The following LRRC7 variants were observed in gnomAD, a reference collection of about 807,000 sequenced individuals.
LRRC7 encodes the protein leucine-rich repeat-containing protein 7.
Under a neutral mutation model 175.7 loss-of-function variants are expected in LRRC7, and 23 were observed. The ratio of observed to expected loss-of-function variants is 0.13; its 90% CI spans 0.09 to 0.19. LRRC7 has a LOEUF of 0.19. LRRC7 is among the 10% of genes least tolerant of loss of function. LRRC7 has a pLI of 1.00. For missense variants in LRRC7, 1,354 were observed against 1,904.7 expected (o/e 0.71, Z 5.38); for synonymous variants, 685 against 680.9 (o/e 1.01, Z -0.09).
chr1:69,961,613 C>T, intron 8 of LRRC7, among the ~76,000 whole-genome samples: 1 of 152,142 alleles, frequency 6.6e-6, no homozygotes, highest in East Asian at 1.9e-4. Flanking sequence ...ACCAAAACAG[C>T]ATGGTACTAG....
intron 25 of LRRC7, among the ~76,000 whole-genome samples, chr1:70,103,385 A>G (rs1156261009): frequency 6.6e-6 from 1 of 152,194 alleles, no homozygotes; most frequent in Non-Finnish European, 1.5e-5. Context: ...ATGGGCCTTA[A>G]AAATGGAGAA....
intron 8 of LRRC7, among the ~76,000 whole-genome samples, chr1:69,969,342 A>C (rs1355965593): frequency 6.6e-6 from 1 of 152,210 alleles, no homozygotes; most frequent in Non-Finnish European, 1.5e-5. Flanking sequence ...TAATTGTAGA[A>C]TGGATAAGAA....
chr1:69,895,002 G>A (rs187771543), intron 7 of LRRC7, among the ~76,000 whole-genome samples: 14 of 152,188 alleles, frequency 9.2e-5, no homozygotes, highest in Admixed American at 3.3e-4. Flanking sequence ...CAAGGCAGGC[G>A]GATCACCCGA....
intron 1 of LRRC7, among the ~76,000 whole-genome samples, chr1:69,666,458 G>T (rs1236451908): frequency 6.6e-6 from 1 of 151,970 alleles, no homozygotes; most frequent in African/African-American, 2.4e-5. Context: ...GCTTTTCTTT[G>T]CTGGGAGACT....
chr1:69,966,120 G>A (rs988598705), intron 8 of LRRC7, among the ~76,000 whole-genome samples: 12 of 152,074 alleles, frequency 7.9e-5, no homozygotes, highest in Non-Finnish European at 1.3e-4. Context: ...AGAAAAAAAT[G>A]TAATAACTGG....
intron 5 of LRRC7, among the ~76,000 whole-genome samples, chr1:69,826,521 A>G (rs1338758316): frequency 3.3e-5 from 5 of 152,164 alleles, no homozygotes; most frequent in African/African-American, 1.2e-4. Context: ...TGGAGGAGTC[A>G]TGAACCTGAA....
intron 25 of LRRC7, among the ~76,000 whole-genome samples, chr1:70,098,067 C>T (rs1664540148): frequency 6.6e-6 from 1 of 151,890 alleles, no homozygotes; most frequent in Admixed American, 6.6e-5. Context: ...AACTAGTTTA[C>T]AGTCCCACCA....
intron 1 of LRRC7, among the ~76,000 whole-genome samples, chr1:69,582,055 C>G (rs1646222815): frequency 6.6e-6 from 1 of 152,108 alleles, no homozygotes; most frequent in Non-Finnish European, 1.5e-5. Context: ...GTATCTTTTC[C>G]TGGAGCTCTT....
chr1:70,113,977 T>C (rs1239075639), intron 26 of LRRC7, among the ~76,000 whole-genome samples: 1 of 152,170 alleles, frequency 6.6e-6, no homozygotes, highest in African/African-American at 2.4e-5. Context: ...TAAGAGAGTG[T>C]TGATGTTCAC....
intron 25 of LRRC7, among the ~76,000 whole-genome samples, chr1:70,097,023 A>G (rs1334642793): frequency 6.6e-6 from 1 of 152,214 alleles, no homozygotes; most frequent in Non-Finnish European, 1.5e-5. Flanking sequence ...GATGTGTACA[A>G]CTACAGTGTC....
chr1:69,721,635 G>T (rs1423811357), intron 2 of LRRC7, among the ~76,000 whole-genome samples: 1 of 151,316 alleles, frequency 6.6e-6, no homozygotes, highest in Non-Finnish European at 1.5e-5. Context: ...GGCCACATTC[G>T]ATTTTATATC....
At chr1:70,041,132 A>G (rs1018040376) in intron 21 of LRRC7, among the ~76,000 whole-genome samples, 2 of 152,158 alleles carry the variant, frequency 1.3e-5, no homozygotes, top group African/African-American at 4.8e-5. Flanking sequence ...CTGGGTAATA[A>G]TATACTATCG....
At chr1:69,766,902 A>C (rs1671685190) in intron 3 of LRRC7, among the ~76,000 whole-genome samples, 1 of 152,182 alleles carries the variant, frequency 6.6e-6, no homozygotes, top group South Asian at 2.1e-4. Context: ...GTCGAGATGC[A>C]ATTTACATTC....
At chr1:69,718,778 G>GAAA (rs1666029971) in intron 2 of LRRC7, among the ~76,000 whole-genome samples, 1 of 151,660 alleles carries the variant, frequency 6.6e-6, no homozygotes, top group African/African-American at 2.4e-5. Context: ...AGAAACCAAA[G>GAAA]AAGCCAAGAG....
chr1:69,765,779 G>C (rs984294097), intron 3 of LRRC7, among the ~76,000 whole-genome samples: 1 of 152,006 alleles, frequency 6.6e-6, no homozygotes, highest in African/African-American at 2.4e-5. Context: ...TCCTTTCTAA[G>C]ACAAGTTTCC....
intron 2 of LRRC7, among the ~76,000 whole-genome samples, chr1:69,734,049 A>G (rs1193719836): frequency 6.6e-6 from 1 of 152,158 alleles, no homozygotes; most frequent in East Asian, 1.9e-4. Context: ...TGACATAAAT[A>G]GCAAAACATT....
intron 3 of LRRC7, among the ~76,000 whole-genome samples, chr1:69,780,938 A>G (rs1673411728): frequency 1.3e-5 from 2 of 152,138 alleles, no homozygotes; most frequent in African/African-American, 4.8e-5. Context: ...ATCTTTTGAA[A>G]ATTCGCACAC....
chr1:69,963,099 T>C (rs1371365909), intron 8 of LRRC7, among the ~76,000 whole-genome samples: 1 of 149,056 alleles, frequency 6.7e-6, no homozygotes, highest in East Asian at 2.0e-4. Flanking sequence ...AGGTCAGGAG[T>C]TTGAGACCAG....
intron 10 of LRRC7, among the ~76,000 whole-genome samples, chr1:69,990,981 C>A (rs114921601): frequency 0.013 from 2,012 of 152,050 alleles, 44 homozygotes; most frequent in African/African-American, 0.044. Flanking sequence ...ACAGCAAGTT[C>A]CCAATTCTAC....
Sources: allele counts gnomAD v4.1 joint callset (sites outside exome capture counted in the v4.1 genomes callset), GRCh38; gene constraint gnomAD v4.1.1; transcripts MANE v1.5; gene names NCBI Gene and HGNC (gene_info 2026-07-23, HGNC 2026-07-21).